The following GALNTL6 variants were observed in gnomAD, a reference collection of about 807,000 sequenced individuals.
The protein encoded by GALNTL6 is polypeptide N-acetylgalactosaminyltransferase-like 6.
GALNTL6 carries 46 observed loss-of-function variants against 73.7 expected under a neutral mutation model. That is an observed-to-expected ratio of 0.62 (90% CI 0.49 to 0.80). The LOEUF (loss-of-function observed/expected upper bound fraction) is 0.80, where lower values mean the gene tolerates loss of function less well. Ranked by LOEUF, GALNTL6 falls within the 30% of genes least tolerant of loss-of-function variation. GALNTL6 has a pLI of 0.00. For synonymous variants in GALNTL6, 259 were observed against 263.7 expected, an observed-to-expected ratio of 0.98 and a Z score of 0.17; for missense variants, 604 against 755.0, an observed-to-expected ratio of 0.80 and a Z score of 2.34.
chr4:172,648,567 CACGAT>C, intron 5 of GALNTL6, among the ~76,000 whole-genome samples: 1 of 152,026 alleles, frequency 6.6e-6, no homozygotes, highest in South Asian at 2.1e-4. Context: ...ATGGAAGAAA[CACGAT>C]TCAAAACAAT....
At chr4:172,298,976 G>T (rs1242779354) in intron 3 of GALNTL6, among the ~76,000 whole-genome samples, 1 of 152,142 alleles carries the variant, frequency 6.6e-6, no homozygotes, top group East Asian at 1.9e-4. Context: ...GGTAGAATTT[G>T]GCTGTGAATC....
chr4:172,333,854 T>G, intron 4 of GALNTL6, among the ~76,000 whole-genome samples: 1 of 152,152 alleles, frequency 6.6e-6, no homozygotes, highest in Non-Finnish European at 1.5e-5. Context: ...ATCTTGAGTT[T>G]ATTTTTGTAT....
At chr4:172,263,840 A>G (rs959074175) in intron 3 of GALNTL6, among the ~76,000 whole-genome samples, 2 of 151,604 alleles carry the variant, frequency 1.3e-5, no homozygotes, top group African/African-American at 4.8e-5. Flanking sequence ...GTATGTGTAC[A>G]TGCAGGTACC....
chr4:171,935,767 C>T (rs57032957), intron 2 of GALNTL6, among the ~76,000 whole-genome samples: 6,454 of 152,230 alleles, frequency 0.042, 397 homozygotes, highest in African/African-American at 0.14. Context: ...AAGTGTACCT[C>T]TGTAAATTTT....
In GALNTL6 at chr4:172,206,819, T is replaced by TTG. The variant is rs1554003021; in HGVS notation, c.139-22836_139-22835insGT. ...TTTGTTTTTCTGTTTTTTTTGTTTG[T>TTG]TTTTTTTTTTTTTTTTGAGACGGAG... On this transcript the variant is annotated intron_variant, in intron 2 of 12. Transcript: ENST00000506823. Among the ~76,000 whole-genome samples the TTG allele has an allele frequency of 1.5e-4, 10 of 66,384 alleles. 1 individual carries two copies. The highest frequency in any genetic ancestry group is 5.1e-4 in the African/African-American group (10 of 19,644). The allele number at this position is 66,384 out of a possible 152,430, so 43.6% of individuals were successfully genotyped here. A position where few individuals can be genotyped will look rare whatever the true frequency, so the allele number is the denominator to read the frequency against.
rs778156050 is a variant in GALNTL6, at chr4:172,206,805, G to GTTTTTTTTT, written c.139-22843_139-22842insTTTTTTTTT. On this transcript the variant is annotated intron_variant, in intron 2 of 12. Transcript: ENST00000506823. Reference sequence around the variant, plus strand: ...TTGTTTTGTTTTGTTTTGTTTTTCTGTTTTTTTTGTTTGTTTTTTTTTTTT... The same window carrying GTTTTTTTTT: ...TTGTTTTGTTTTGTTTTGTTTTTCTGTTTTTTTTTTTTTTTTTGTTTGTTTTTTTTTTTT... 1.9e-3 allele frequency among the ~76,000 whole-genome samples: 50 copies of GTTTTTTTTT among 26,162 alleles called. 4 individuals carry two copies. The highest frequency in any genetic ancestry group is 3.4e-3 in the African/African-American group (36 of 10,546). The allele number at this position is 26,162 out of a possible 152,430, so 17.2% of individuals were successfully genotyped here. A position where few individuals can be genotyped will look rare whatever the true frequency, so the allele number is the denominator to read the frequency against.
chr4:172,921,801 A>G (rs1323335760), intron 8 of GALNTL6, among the ~76,000 whole-genome samples: 3 of 152,158 alleles, frequency 2.0e-5, no homozygotes, highest in East Asian at 1.9e-4. Context: ...CTCAAAAAAA[A>G]AAAAAAAAAG....
At chr4:172,368,628 G>T (rs937316294) in intron 5 of GALNTL6, among the ~76,000 whole-genome samples, 2 of 151,932 alleles carry the variant, frequency 1.3e-5, no homozygotes, top group African/African-American at 4.8e-5. Context: ...TCTTGGTCTC[G>T]CTGACTTCAA....
intron 5 of GALNTL6, among the ~76,000 whole-genome samples, chr4:172,597,081 T>G (rs1485372264): frequency 6.6e-6 from 1 of 152,188 alleles, no homozygotes; most frequent in Non-Finnish European, 1.5e-5. Context: ...AATCCTATTA[T>G]TTAACAATAT....
intron 5 of GALNTL6, among the ~76,000 whole-genome samples, chr4:172,422,828 A>G (rs978682765): frequency 1.3e-5 from 2 of 151,542 alleles, no homozygotes; most frequent in Non-Finnish European, 2.9e-5. Context: ...CCAGTTGCCC[A>G]TGAGTAAAAC....
intron 5 of GALNTL6, among the ~76,000 whole-genome samples, chr4:172,637,336 T>A (rs1739745780): frequency 6.6e-6 from 1 of 152,140 alleles, no homozygotes; most frequent in Admixed American, 6.5e-5. Context: ...GCTAACACAG[T>A]TCTAAATAAT....
intron 5 of GALNTL6, among the ~76,000 whole-genome samples, chr4:172,574,397 C>T (rs1312645213): frequency 6.6e-6 from 1 of 151,406 alleles, no homozygotes; most frequent in Non-Finnish European, 1.5e-5. Flanking sequence ...CTCTCCCTTA[C>T]CCCACATAAA....
Position 171,946,766 on chromosome 4 carries a change from G to A in GALNTL6, c.138+132048G>A, listed in dbSNP as rs1255551214. ...CATGAGGGAAACATTTATGGCAGGGGGAGCATCTGGTACAAAGTCCTGGAG... is the reference window on the plus strand; with the variant it reads ...CATGAGGGAAACATTTATGGCAGGGAGAGCATCTGGTACAAAGTCCTGGAG... On this transcript the variant is annotated intron_variant, in intron 2 of 12. Transcript: ENST00000506823. Among the ~76,000 whole-genome samples the A allele has an allele frequency of 2.0e-5, 3 of 152,268 alleles. No individual in the cohort carries two copies. In the East Asian group the frequency reaches 5.8e-4, roughly 29 times the overall value.
chr4:172,793,973 C>T (rs1740132320), intron 5 of GALNTL6, among the ~76,000 whole-genome samples: 1 of 152,040 alleles, frequency 6.6e-6, no homozygotes, highest in Non-Finnish European at 1.5e-5. Context: ...TTATTTATTG[C>T]TTGGTAAAAA....
At chr4:172,779,750 G>T (rs896337408) in intron 5 of GALNTL6, among the ~76,000 whole-genome samples, 25 of 152,196 alleles carry the variant, frequency 1.6e-4, no homozygotes, top group African/African-American at 5.8e-4. Flanking sequence ...GACAGCAATT[G>T]TGACAATGGA....
intron 2 of GALNTL6, among the ~76,000 whole-genome samples, chr4:171,856,324 A>T (rs1221453950): frequency 6.6e-6 from 1 of 150,906 alleles, no homozygotes; most frequent in East Asian, 1.9e-4. Context: ...CATGTTGGCC[A>T]GGTTGGTCTT....
intron 2 of GALNTL6, among the ~76,000 whole-genome samples, chr4:172,159,976 G>A (rs1180229916): frequency 1.3e-5 from 2 of 152,098 alleles, no homozygotes; most frequent in African/African-American, 2.4e-5. Flanking sequence ...GTGATGGACT[G>A]GAGTTGTCAC....
chr4:172,030,015 C>T (rs891417849), intron 2 of GALNTL6, among the ~76,000 whole-genome samples: 1 of 152,110 alleles, frequency 6.6e-6, no homozygotes, highest in Non-Finnish European at 1.5e-5. Context: ...ACTCAGTTCA[C>T]TTTTGCTACA....
At position 172,054,510 on chromosome 4, in the gene GALNTL6, A is replaced by C. The variant is rs148544222; in HGVS notation, c.139-175146A>C. On this transcript the variant is annotated intron_variant, in intron 2 of 12. Transcript: ENST00000506823. ...AAGATCAAGGCTTCCAGCAGGTTCA[A>C]TATCCGGTGAAGTCCCACTTCCTAG... Among the ~76,000 whole-genome samples, 266 of 152,238 alleles carry C rather than the reference A, an allele frequency of 1.7e-3. 1 individual carries two copies. Among genetic ancestry groups the C allele is most frequent in the African/African-American group, 6.2e-3 (259 of 41,546 alleles).
Sources: allele counts gnomAD v4.1 joint callset (sites outside exome capture counted in the v4.1 genomes callset), GRCh38; gene constraint gnomAD v4.1.1; transcripts MANE v1.5; gene names NCBI Gene and HGNC (gene_info 2026-07-23, HGNC 2026-07-21).